Variants in PRKG1 observed in about 807,000 individuals in gnomAD.
PRKG1 encodes cGMP-dependent protein kinase 1.
Under a neutral mutation model 88.1 loss-of-function variants are expected in PRKG1, and 35 were observed. The observed-to-expected ratio is 0.40, with a 90% confidence interval of 0.30 to 0.53. The LOEUF (loss-of-function observed/expected upper bound fraction) is 0.53, where lower values mean the gene tolerates loss of function less well. PRKG1 is among the 20% of genes least tolerant of loss of function. The pLI, the probability that PRKG1 is intolerant of heterozygous loss-of-function variation, is 0.59. For synonymous variants in PRKG1, 303 were observed against 292.5 expected (o/e 1.04, Z -0.37); for missense variants, 540 against 839.8 (o/e 0.64, Z 4.41).
chr10:51,735,930 CTTTTTTTTTTTTT>C, intron 3 of PRKG1, among the ~76,000 whole-genome samples: 1 of 74,966 alleles, frequency 1.3e-5, no homozygotes, highest in African/African-American at 5.4e-5. Context: ...TTTAAGTTGT[CTTTTTTTTTTTTT>C]TTTTTTTTTG....
chr10:51,597,120 G>A (rs2132219080), intron 3 of PRKG1, among the ~76,000 whole-genome samples: 1 of 151,706 alleles, frequency 6.6e-6, no homozygotes, highest in Middle Eastern at 3.4e-3. Context: ...TCTTATTCTA[G>A]TTGGTATATG....
At chr10:51,486,168 T>G (rs1427988651) in intron 3 of PRKG1, among the ~76,000 whole-genome samples, 3 of 152,122 alleles carry the variant, frequency 2.0e-5, no homozygotes, top group Non-Finnish European at 2.9e-5. Flanking sequence ...GGCACTATAC[T>G]TTACAGTAGC....
At chr10:51,899,452 G>T (rs528163687) in intron 4 of PRKG1, among the ~76,000 whole-genome samples, 1 of 151,640 alleles carries the variant, frequency 6.6e-6, no homozygotes, top group African/African-American at 2.4e-5. Context: ...ATCACTTGAA[G>T]TCAGGAGTTC....
In PRKG1 at chr10:51,173,201, C is replaced by T. The variant is rs9415767; in HGVS notation, c.478+19871C>T. On this transcript the variant is annotated intron_variant, in intron 2 of 17. Transcript: ENST00000373980. Reference sequence around the variant, plus strand: ...AACATTTAAGCAGGATGTTATTAAGCATCTGGCTTATTTTGAATATTATCT... The same window carrying T: ...AACATTTAAGCAGGATGTTATTAAGTATCTGGCTTATTTTGAATATTATCT... Among the ~76,000 whole-genome samples the T allele has an allele frequency of 9.9e-3, 1,498 of 152,042 alleles. 34 individuals carry two copies. The highest frequency in any genetic ancestry group is 0.034 in the African/African-American group (1,410 of 41,514).
chr10:51,174,639 A>G (rs1837142625), intron 2 of PRKG1, among the ~76,000 whole-genome samples: 1 of 151,988 alleles, frequency 6.6e-6, no homozygotes, highest in African/African-American at 2.4e-5. Flanking sequence ...AGAGTTGCTG[A>G]TGTTTTTGAG....
intron 2 of PRKG1, among the ~76,000 whole-genome samples, chr10:51,355,659 C>T (rs1842350819): frequency 6.6e-6 from 1 of 151,942 alleles, no homozygotes. Flanking sequence ...GATGCCCACC[C>T]AGATTTTTTT....
chr10:51,008,883 C>T (rs978729388), intron 1 of PRKG1, among the ~76,000 whole-genome samples: 2 of 152,184 alleles, frequency 1.3e-5, no homozygotes, highest in Admixed American at 1.3e-4. Context: ...CCTGCCATTT[C>T]CATCTGCCCT....
chr10:51,688,565 CTTTT>C (rs35034840), intron 3 of PRKG1, among the ~76,000 whole-genome samples: 8 of 123,710 alleles, frequency 6.5e-5, no homozygotes, highest in Admixed American at 2.6e-4. Flanking sequence ...AGTAACAATC[CTTTT>C]TTTTTTTTTT....
intron 2 of PRKG1, among the ~76,000 whole-genome samples, chr10:51,165,329 T>C (rs1479021844): frequency 6.6e-6 from 1 of 151,464 alleles, no homozygotes; most frequent in Non-Finnish European, 1.5e-5. Flanking sequence ...AATAAAATCC[T>C]TTACAGACAA....
rs572317517 is a variant in PRKG1 at position 51,807,205 on chromosome 10, A to G, written c.698+2515A>G. Among the ~76,000 whole-genome samples, 13 of 152,360 alleles carry G rather than the reference A, an allele frequency of 8.5e-5. No homozygotes were observed. In the South Asian group the frequency reaches 2.5e-3, roughly 29 times the overall value. ...AGAACAGTGAGTACAGAGCCAGTACATAATTTTCAGCACTCATTGAAGAAT... is the reference window on the plus strand; with the variant it reads ...AGAACAGTGAGTACAGAGCCAGTACGTAATTTTCAGCACTCATTGAAGAAT... On this transcript the variant is annotated intron_variant, in intron 4 of 17. Coordinates refer to ENST00000373980, the MANE Select transcript of PRKG1 (RefSeq NM_006258.4).
intron 4 of PRKG1, among the ~76,000 whole-genome samples, chr10:51,898,567 G>C (rs970776477): frequency 2.0e-5 from 3 of 152,046 alleles, no homozygotes; most frequent in African/African-American, 7.2e-5. Context: ...AGGCACAGTG[G>C]CTCATGCCTA....
rs112752517 is a variant in PRKG1, at chr10:51,540,798, C to T, written c.592+72962C>T. Among the ~76,000 whole-genome samples the T allele has an allele frequency of 2.7e-3, 410 of 152,202 alleles. 3 individuals are homozygous for T. The highest frequency in any genetic ancestry group is 9.3e-3 in the African/African-American group (386 of 41,528). ...GCAGTGGCATTATCTCGGCTCACTGCTATCTCCTCCTCCCAGTTCAAGCAA... is the reference window on the plus strand; with the variant it reads ...GCAGTGGCATTATCTCGGCTCACTGTTATCTCCTCCTCCCAGTTCAAGCAA... On this transcript the variant is annotated intron_variant, in intron 3 of 17. Transcript: ENST00000373980.
rs377610150 is a variant in PRKG1 at position 52,105,755 on chromosome 10, T to C, written c.936-28085T>C. On this transcript the variant is annotated intron_variant, in intron 7 of 17. Coordinates refer to ENST00000373980, the MANE Select transcript of PRKG1 (RefSeq NM_006258.4). ...AAGCTTAGTACTCTTTAGTTATTTT[T>C]CCTGATGTTGTCCCTCCCCCAACTC... is the stretch of plus-strand genomic sequence containing the variant. 2.4e-4 allele frequency among the ~76,000 whole-genome samples: 36 copies of C among 152,292 alleles called. No homozygotes were observed. The South Asian group carries it at 7.5e-3, about 32-fold the overall frequency.
intron 3 of PRKG1, among the ~76,000 whole-genome samples, chr10:51,548,192 T>C (rs946444871): frequency 1.4e-4 from 22 of 152,090 alleles, no homozygotes; most frequent in African/African-American, 4.8e-4. Flanking sequence ...TTTTCTCTAT[T>C]GTCCCCCTGA....
At chr10:51,113,783 A>C (rs1845036818) in intron 1 of PRKG1, among the ~76,000 whole-genome samples, 1 of 152,024 alleles carries the variant, frequency 6.6e-6, no homozygotes. Context: ...GCCTCAATAA[A>C]AAAATGTCAT....
At chr10:51,751,070 T>G (rs574788222) in intron 3 of PRKG1, among the ~76,000 whole-genome samples, 3 of 152,320 alleles carry the variant, frequency 2.0e-5, no homozygotes, top group African/African-American at 7.2e-5. Flanking sequence ...GTTAATCTAT[T>G]CACTTCTCTC....
chr10:51,685,528 G>A (rs879892110), intron 3 of PRKG1, among the ~76,000 whole-genome samples: 1 of 152,112 alleles, frequency 6.6e-6, no homozygotes, highest in Non-Finnish European at 1.5e-5. Flanking sequence ...GCTGATGTCT[G>A]AAATTGCACT....
rs113602489 is a variant in PRKG1, at chr10:52,129,083, G to A, written c.936-4757G>A. On this transcript the variant is annotated intron_variant, in intron 7 of 17. Coordinates refer to ENST00000373980, the MANE Select transcript of PRKG1 (RefSeq NM_006258.4). ...ATTAAATACCCTGATCTGTAAAAAA[G>A]TACAAATGAAAGTAAGTTCAGTTTT... Among the ~76,000 whole-genome samples the A allele has an allele frequency of 2.4e-3, 362 of 152,188 alleles. 4 individuals carry two copies. The highest frequency in any genetic ancestry group is 8.2e-3 in the African/African-American group (339 of 41,526).
intron 1 of PRKG1, among the ~76,000 whole-genome samples, chr10:51,004,890 AT>A (rs1283088392): frequency 6.6e-6 from 1 of 152,198 alleles, no homozygotes; most frequent in Non-Finnish European, 1.5e-5. Flanking sequence ...ATCAAAATAA[AT>A]TTTTGATATT....
Sources: gnomAD v4.1 joint callset for allele counts (sites outside exome capture counted in the v4.1 genomes callset) on GRCh38, gnomAD v4.1.1 for gene constraint, MANE v1.5 for transcripts, NCBI Gene and HGNC (gene_info 2026-07-23, HGNC 2026-07-21) for gene names.